Variants in SESN3 observed in about 807,000 individuals in gnomAD.
SESN3 encodes the protein sestrin 3.
Under a neutral mutation model 55.3 loss-of-function variants are expected in SESN3, and 21 were observed. The observed-to-expected ratio is 0.38, with a 90% CI of 0.27 to 0.55. The LOEUF (loss-of-function observed/expected upper bound fraction) is 0.55. SESN3 is among the 20% of genes least tolerant of loss of function. SESN3 has a pLI of 0.76. For synonymous variants in SESN3, 181 were observed against 203.1 expected (o/e 0.89, Z 0.93); for missense variants, 408 against 604.3 (o/e 0.68, Z 3.41).
At chr11:95,219,618 C>T (rs1860822406) in intron 1 of SESN3, among the ~76,000 whole-genome samples, 1 of 152,196 alleles carries the variant, frequency 6.6e-6, no homozygotes, top group African/African-American at 2.4e-5. Flanking sequence ...TCCCAACACC[C>T]TGCTTATTAT....
In SESN3 at chr11:95,166,870, CTAAA is replaced by C. The variant is rs1246590226; in HGVS notation, c.*6381_*6384del. The stretch of plus-strand genomic sequence containing the variant: ...AACTGTATTTTCTCTCCAGAGAAGA[CTAAA>C]TAATGCAAAGGAAATATCTGCACTA... On this transcript the variant is annotated 3_prime_UTR_variant, in exon 10 of 10. Transcript: ENST00000536441. 1 of 152,122 alleles carries C rather than the reference CTAAA, an allele frequency of 6.6e-6. No individual in the cohort carries two copies. The highest frequency in any genetic ancestry group is 1.5e-5 in the Non-Finnish European group (1 of 68,006). The allele number at this position is 152,122 out of a possible 1,614,324, so 9.4% of individuals were successfully genotyped here. A position where few individuals can be genotyped will look rare whatever the true frequency, so the allele number is the denominator to read the frequency against.
intron 1 of SESN3, among the ~76,000 whole-genome samples, chr11:95,203,044 TTG>T (rs1860487041): frequency 6.6e-6 from 1 of 152,120 alleles, no homozygotes; most frequent in Non-Finnish European, 1.5e-5. Flanking sequence ...ACTAGTACTT[TTG>T]GAGAAACAAA....
chr11:95,230,510 C>G lies in SESN3; in HGVS notation c.78+273G>C. 2.4e-6 allele frequency: 1 copy of G among 424,656 alleles called. No individual in the cohort carries two copies. The highest frequency in any genetic ancestry group is 4.2e-6 in the Non-Finnish European group (1 of 237,580). 26.3% of individuals were successfully genotyped at this position (424,656 alleles called of 1,614,324 possible). A position where few individuals can be genotyped will look rare whatever the true frequency, so the allele number is the denominator to read the frequency against. On this transcript the variant is annotated intron_variant, in intron 1 of 9. Transcript: ENST00000536441. This position sits in a 1 kb window ranked among gnomAD's most constrained non-coding sequence, Gnocchi z 4.6. Reference sequence around the variant, plus strand: ...GGGGTAGCAAGGTAGGGAAATGAGCCGTAAAGGAGAGCAAAGGCACCAAAT... The same window carrying G: ...GGGGTAGCAAGGTAGGGAAATGAGCGGTAAAGGAGAGCAAAGGCACCAAAT...
intron 1 of SESN3, among the ~76,000 whole-genome samples, chr11:95,206,406 ACT>A (rs1033860329): frequency 9.2e-5 from 13 of 140,860 alleles, no homozygotes; most frequent in South Asian, 4.6e-4. Context: ...ACACACACAC[ACT>A]CTTATAATTT....
At chr11:95,173,992 G>A (rs1859905542) in intron 9 of SESN3, among the ~76,000 whole-genome samples, 2 of 152,160 alleles carry the variant, frequency 1.3e-5, no homozygotes, top group Admixed American at 1.3e-4. Flanking sequence ...AGTTGGATAT[G>A]TGGTTGGATA....
upstream of SESN3, chr11:95,231,247 C>G: frequency 2.5e-6 from 1 of 396,318 alleles, no homozygotes; most frequent in Non-Finnish European, 4.5e-6. Flanking sequence ...CTCCACGCTC[C>G]GGTACCGCCC....
At position 95,183,823 on chromosome 11, in the gene SESN3, T is replaced by A. The variant is rs146601142; in HGVS notation, c.937+597A>T. Among the ~76,000 whole-genome samples the A allele has an allele frequency of 7.1e-3, 1,080 of 152,274 alleles. 12 individuals carry two copies. The highest frequency in any genetic ancestry group is 0.025 in the African/African-American group (1,039 of 41,548). ...TTGTAATTGAAAAGTTTATTTCCTA[T>A]TTCAGTCCTTCGAGTATTAGAAAAA... On this transcript the variant is annotated intron_variant, in intron 6 of 9. Coordinates refer to ENST00000536441, the MANE Select transcript of SESN3 (RefSeq NM_144665.4).
chr11:95,176,682 G>A (rs1368837179), intron 8 of SESN3, among the ~76,000 whole-genome samples: 1 of 152,090 alleles, frequency 6.6e-6, no homozygotes, highest in Non-Finnish European at 1.5e-5. Flanking sequence ...GTATCTTGAT[G>A]CATTTATGTA....
At chr11:95,206,497 G>T (rs1217679964) in intron 1 of SESN3, among the ~76,000 whole-genome samples, 1 of 151,706 alleles carries the variant, frequency 6.6e-6, no homozygotes, top group Non-Finnish European at 1.5e-5. Context: ...GTTTTTGATA[G>T]AAAGAAAAAG....
At chr11:95,193,806 A>C (rs1251756057) in intron 1 of SESN3, among the ~76,000 whole-genome samples, 1 of 152,136 alleles carries the variant, frequency 6.6e-6, no homozygotes, top group Non-Finnish European at 1.5e-5. Context: ...CACATCTGAC[A>C]TGCCTGAAAA....
chr11:95,195,609 T>C (rs1250056225), intron 1 of SESN3, among the ~76,000 whole-genome samples: 1 of 152,226 alleles, frequency 6.6e-6, no homozygotes, highest in Non-Finnish European at 1.5e-5. Flanking sequence ...TATCATTTAC[T>C]TAAGTCATTT....
At chr11:95,210,973 C>A (rs942127582) in intron 1 of SESN3, among the ~76,000 whole-genome samples, 2 of 151,982 alleles carry the variant, frequency 1.3e-5, no homozygotes, top group Admixed American at 1.3e-4. Context: ...TACAATTACA[C>A]TTGCATTATG....
At position 95,172,411 on chromosome 11, in the gene SESN3, G is replaced by C. The variant is rs1035677704; in HGVS notation, c.*844C>G. On this transcript the variant is annotated 3_prime_UTR_variant, in exon 10 of 10. Coordinates refer to ENST00000536441, the MANE Select transcript of SESN3 (RefSeq NM_144665.4). ...ACAGGTTTATATGTGCCAACTAAAT[G>C]AACTGTAAGCAGCACTGTGAGCACT... The C allele has an allele frequency of 6.6e-6, 1 of 152,146 alleles. No individual in the cohort carries two copies. The highest frequency in any genetic ancestry group is 1.5e-5 in the Non-Finnish European group (1 of 67,986). 9.4% of individuals were successfully genotyped at this position (152,146 alleles called of 1,614,324 possible). A position where few individuals can be genotyped will look rare whatever the true frequency, so the allele number is the denominator to read the frequency against.
In SESN3 at chr11:95,169,727, T is replaced by C. The variant is rs749347919; in HGVS notation, c.*3528A>G. The C allele has an allele frequency of 2.0e-5, 3 of 152,154 alleles. No individual in the cohort carries two copies. The highest frequency in any genetic ancestry group is 4.4e-5 in the Non-Finnish European group (3 of 68,010). The allele number at this position is 152,154 out of a possible 1,614,324, so 9.4% of individuals were successfully genotyped here. On this transcript the variant is annotated 3_prime_UTR_variant, in exon 10 of 10. Transcript: ENST00000536441. ...TACTATTTTAAGTACAGATCTTTAA[T>C]TGTTGATCATTTTATTTTGCTGTGG...
chr11:95,185,202 A>G, intron 5 of SESN3, 54 bp downstream of exon 5: 10 of 978,358 alleles, frequency 1.0e-5, no homozygotes, highest in Non-Finnish European at 1.6e-5. Flanking sequence ...AGATATTTTT[A>G]ATATTAGAAG....
At chr11:95,189,226 A>G (rs1218431611) in intron 4 of SESN3, among the ~76,000 whole-genome samples, 13 of 151,916 alleles carry the variant, frequency 8.6e-5, no homozygotes, top group Admixed American at 8.5e-4. Context: ...GCGCCTTCAG[A>G]AATACAAGTG....
Position 95,230,925 on chromosome 11 carries a change from T to C in SESN3, c.-65A>G. The C allele has an allele frequency of 9.1e-7, 1 of 1,102,722 alleles. No individual in the cohort carries two copies. Among genetic ancestry groups the C allele is most frequent in the East Asian group, 3.1e-5 (1 of 32,382 alleles). 68.3% of individuals were successfully genotyped at this position (1,102,722 alleles called of 1,614,324 possible). Reference sequence around the variant, plus strand: ...GGGTCCGGGCTGTCACTGCGGCCACTGCAGGGCCGGTCCGTCCCCCCGCCG... The same window carrying C: ...GGGTCCGGGCTGTCACTGCGGCCACCGCAGGGCCGGTCCGTCCCCCCGCCG... On this transcript the variant is annotated 5_prime_UTR_variant, in exon 1 of 10. Transcript: ENST00000536441. This position sits in a 1 kb window ranked among gnomAD's most constrained non-coding sequence, Gnocchi z 4.6.
chr11:95,209,729 A>G (rs1476030333), intron 1 of SESN3, among the ~76,000 whole-genome samples: 1 of 151,186 alleles, frequency 6.6e-6, no homozygotes, highest in Admixed American at 6.6e-5. Context: ...ATAAAAAAGG[A>G]TGTTTGGCCA....
upstream of SESN3, chr11:95,231,974 G>A (rs1861079393): frequency 6.6e-6 from 1 of 152,160 alleles, no homozygotes; most frequent in South Asian, 2.1e-4. Context: ...GCACCTTCTA[G>A]CAGTTATCTT....
Sources: allele counts gnomAD v4.1 joint callset (sites outside exome capture counted in the v4.1 genomes callset), GRCh38; gene constraint gnomAD v4.1.1; non-coding constraint Gnocchi (gnomAD v3.1); transcripts MANE v1.5; gene names NCBI Gene and HGNC (gene_info 2026-07-23, HGNC 2026-07-21).